SLC30A8: variants seen among roughly 807,000 people sequenced by gnomAD.
SLC30A8 encodes the protein proton-coupled zinc antiporter SLC30A8.
In SLC30A8, 27 loss-of-function variants were observed where a neutral mutation model predicts 36.9. The observed-to-expected ratio is 0.73, with a 90% CI of 0.54 to 1.01. The LOEUF (loss-of-function observed/expected upper bound fraction) is 1.01, where lower values mean the gene tolerates loss of function less well. SLC30A8 is among the 50% of genes least tolerant of loss of function. The pLI is 0.00. For synonymous variants in SLC30A8, 164 were observed against 172.4 expected, an observed-to-expected ratio of 0.95 and a Z score of 0.38; for missense variants, 439 against 452.0, an observed-to-expected ratio of 0.97 and a Z score of 0.26.
At chr8:116,979,238 CAAAAAAAAAAA>C (rs67998633) in intron 1 of SLC30A8, among the ~76,000 whole-genome samples, 6 of 64,310 alleles carry the variant, frequency 9.3e-5, no homozygotes, top group Non-Finnish European at 1.7e-4. Flanking sequence ...GACCCTGTCT[CAAAAAAAAAAA>C]AAAAAAAAAA....
intron 2 of SLC30A8, among the ~76,000 whole-genome samples, chr8:117,056,531 T>TTTTCTTTC (rs59311028): frequency 6.6e-6 from 1 of 151,450 alleles, no homozygotes; most frequent in Non-Finnish European, 1.5e-5. Flanking sequence ...GGATTTCTCT[T>TTTTCTTTC]TTTCTTTCTT....
chr8:117,014,802 C>T (rs970848937), intron 1 of SLC30A8, among the ~76,000 whole-genome samples: 4 of 152,054 alleles, frequency 2.6e-5, no homozygotes, highest in African/African-American at 9.7e-5. Context: ...TCCTCAGTTC[C>T]CTGCTATATA....
chr8:116,952,519 T>C (rs1348660699), intron 1 of SLC30A8, among the ~76,000 whole-genome samples: 1 of 152,010 alleles, frequency 6.6e-6, no homozygotes, highest in East Asian at 1.9e-4. Flanking sequence ...ATTTCTGCTC[T>C]CTGCAAACTC....
chr8:117,019,002 TA>T lies in SLC30A8; in HGVS notation c.-265-20211del, dbSNP rs556942482. Among the ~76,000 whole-genome samples, 416 of 152,280 alleles carry T rather than the reference TA, an allele frequency of 2.7e-3. 3 individuals carry two copies. Among genetic ancestry groups the T allele is most frequent in the Non-Finnish European group, 4.1e-3 (282 of 68,020 alleles). ...TATGAACTACCAGCTAAGCATTTTT[TA>T]AAAAATTTTTAACATGGTTAAATTT... On this transcript the variant is annotated intron_variant, in intron 1 of 10. Coordinates refer to the SLC30A8 transcript ENST00000427715.
chr8:117,007,507 C>A (rs1452824817), intron 1 of SLC30A8, among the ~76,000 whole-genome samples: 1 of 152,188 alleles, frequency 6.6e-6, no homozygotes, highest in Non-Finnish European at 1.5e-5. Context: ...TTTTAGTATT[C>A]CTTCAGCCAA....
intron 6 of SLC30A8, among the ~76,000 whole-genome samples, chr8:117,166,199 T>C (rs1057015617): frequency 1.3e-5 from 2 of 152,206 alleles, no homozygotes; most frequent in Non-Finnish European, 2.9e-5. Context: ...ATCTGATCAC[T>C]ATGAATTATC....
At chr8:117,083,851 C>T (rs1459892738) in intron 2 of SLC30A8, among the ~76,000 whole-genome samples, 2 of 152,100 alleles carry the variant, frequency 1.3e-5, no homozygotes, top group Non-Finnish European at 2.9e-5. Context: ...CTAACCTAAC[C>T]TATCCTGACT....
chr8:117,050,698 G>A (rs557330682), intron 2 of SLC30A8, among the ~76,000 whole-genome samples: 3 of 152,286 alleles, frequency 2.0e-5, no homozygotes, highest in East Asian at 1.9e-4. Context: ...GAGCCACCAC[G>A]CCTGGCTGAC....
chr8:117,083,068 G>A (rs897954732), intron 2 of SLC30A8, among the ~76,000 whole-genome samples: 7 of 152,154 alleles, frequency 4.6e-5, no homozygotes, highest in Non-Finnish European at 8.8e-5. Context: ...CATTGTGGCA[G>A]AAATAATGAT....
intron 6 of SLC30A8, among the ~76,000 whole-genome samples, chr8:117,165,448 C>G (rs1823010064): frequency 6.6e-6 from 1 of 152,174 alleles, no homozygotes; most frequent in Non-Finnish European, 1.5e-5. Context: ...ACCAGTCAAT[C>G]ATAGATGCTG....
At position 117,061,400 on chromosome 8, in the gene SLC30A8, A is replaced by G. The variant is rs188703536; in HGVS notation, c.-226+22142A>G. ...CTCATAGCATTCCTATAACTGATAC[A>G]TAGTGCCTTAGAGAAAATTCACATG... On this transcript the variant is annotated intron_variant, in intron 2 of 10. Coordinates refer to the SLC30A8 transcript ENST00000427715. Among the ~76,000 whole-genome samples, 567 of 152,362 alleles carry G rather than the reference A, an allele frequency of 3.7e-3. 2 individuals are homozygous for G. The highest frequency in any genetic ancestry group is 0.013 in the African/African-American group (547 of 41,592).
intron 2 of SLC30A8, among the ~76,000 whole-genome samples, chr8:117,070,077 T>C (rs1299324492): frequency 2.6e-5 from 4 of 152,224 alleles, no homozygotes; most frequent in Non-Finnish European, 5.9e-5. Flanking sequence ...ACATTTCTAT[T>C]GTAGGATGAA....
chr8:116,990,896 G>T (rs1019957222), intron 1 of SLC30A8, among the ~76,000 whole-genome samples: 3 of 152,156 alleles, frequency 2.0e-5, no homozygotes, highest in Non-Finnish European at 2.9e-5. Context: ...AATGAAACTT[G>T]TTAAAAGAGA....
intron 2 of SLC30A8, among the ~76,000 whole-genome samples, chr8:117,058,814 A>ACACC (rs1304669392): frequency 2.0e-5 from 3 of 152,192 alleles, no homozygotes; most frequent in Admixed American, 2.0e-4. Flanking sequence ...ATCCACACAC[A>ACACC]CACCCACTCA....
At chr8:117,132,505 C>T (rs183086822), upstream of SLC30A8, among the ~76,000 whole-genome samples, 17 of 152,060 alleles carry the variant, frequency 1.1e-4, no homozygotes, top group Non-Finnish European at 2.2e-4. Flanking sequence ...ACCTGTAATT[C>T]GGGATGGTTT....
At chr8:117,124,928 T>G (rs1820839553) in intron 2 of SLC30A8, among the ~76,000 whole-genome samples, 1 of 151,698 alleles carries the variant, frequency 6.6e-6, no homozygotes, top group African/African-American at 2.4e-5. Context: ...GTATCTAAAA[T>G]AAAAGTTGAA....
chr8:117,149,573 T>TA (rs1822069407), intron 2 of SLC30A8, among the ~76,000 whole-genome samples: 1 of 152,190 alleles, frequency 6.6e-6, no homozygotes, highest in South Asian at 2.1e-4. Context: ...GTGAGATAAT[T>TA]ACGCAATTTT....
At chr8:117,010,470 A>T (rs775383548) in intron 1 of SLC30A8, among the ~76,000 whole-genome samples, 1 of 152,218 alleles carries the variant, frequency 6.6e-6, no homozygotes, top group African/African-American at 2.4e-5. Context: ...TGAAAGTTCA[A>T]TGAGTTTTAC....
intron 1 of SLC30A8, among the ~76,000 whole-genome samples, chr8:117,004,154 C>A (rs1372349600): frequency 6.6e-6 from 1 of 152,146 alleles, no homozygotes; most frequent in Admixed American, 6.5e-5. Context: ...GAATCGAGTT[C>A]AAGGGGATAT....
Sources: gnomAD v4.1 joint callset for allele counts (sites outside exome capture counted in the v4.1 genomes callset) on GRCh38, gnomAD v4.1.1 for gene constraint, MANE v1.5 for transcripts, NCBI Gene and HGNC (gene_info 2026-07-23, HGNC 2026-07-21) for gene names.